Variants in ALK observed in about 807,000 individuals in gnomAD.
ALK encodes ALK tyrosine kinase receptor.
ALK carries 74 observed loss-of-function variants against 163.1 expected under a neutral mutation model. That is an observed-to-expected ratio of 0.45 (90% CI 0.38 to 0.55). The LOEUF (loss-of-function observed/expected upper bound fraction) is 0.55, where lower values mean the gene tolerates loss of function less well. Among genes scored for constraint, ALK ranks in the 20% least tolerant of loss-of-function variants. ALK has a pLI of 0.00. For synonymous variants in ALK, 960 were observed against 843.2 expected (o/e 1.14, Z -2.40); for missense variants, 2,063 against 2,105.3 (o/e 0.98, Z 0.39).
In ALK at chr2:29,921,394, G is replaced by A. The variant is rs1456295647; in HGVS notation, c.-735C>T. 1.3e-5 allele frequency: 3 copies of A among 232,774 alleles called. No individual in the cohort carries two copies. Among genetic ancestry groups the A allele is most frequent in the Non-Finnish European group, 2.5e-5 (3 of 117,768 alleles). 14.4% of individuals were successfully genotyped at this position (232,774 alleles called of 1,614,324 possible). A position where few individuals can be genotyped will look rare whatever the true frequency, so the allele number is the denominator to read the frequency against. ...TGGAGCGGCCCCGGCGGCAGCAGCT[G>A]AGGGCGTTCAGGGCAGGGGCGCCCG... On this transcript the variant is annotated 5_prime_UTR_variant, in exon 1 of 29. Transcript: ENST00000389048.
intron 4 of ALK, among the ~76,000 whole-genome samples, chr2:29,449,228 T>C (rs1324091040): frequency 6.6e-6 from 1 of 152,200 alleles, no homozygotes; most frequent in East Asian, 1.9e-4. Flanking sequence ...TGGAATGTGC[T>C]CTCACAATAT....
At chr2:29,791,439 T>A (rs889218853) in intron 1 of ALK, among the ~76,000 whole-genome samples, 1 of 151,992 alleles carries the variant, frequency 6.6e-6, no homozygotes, top group Non-Finnish European at 1.5e-5. Flanking sequence ...TGAGAACACA[T>A]GGACACAGGG....
At chr2:29,639,816 G>A (rs1180915850) in intron 3 of ALK, among the ~76,000 whole-genome samples, 1 of 152,094 alleles carries the variant, frequency 6.6e-6, no homozygotes, top group African/African-American at 2.4e-5. Context: ...TCTTTACATA[G>A]GGAACAGGGA....
intron 3 of ALK, among the ~76,000 whole-genome samples, chr2:29,629,616 G>C (rs1022776283): frequency 1.3e-5 from 2 of 152,074 alleles, no homozygotes; most frequent in Admixed American, 1.3e-4. Context: ...GGCATTTTCT[G>C]TCCACTTATT....
chr2:29,259,197 A>G (rs1204143174), intron 11 of ALK, among the ~76,000 whole-genome samples: 10 of 152,134 alleles, frequency 6.6e-5, no homozygotes, highest in Admixed American at 5.9e-4. Context: ...CTCTCCTTAC[A>G]CACAGTATTA....
At position 29,239,927 on chromosome 2, in the gene ALK, A is replaced by G. The variant is rs1317704340; in HGVS notation, c.2205-97T>C. The G allele has an allele frequency of 2.8e-6, 4 of 1,430,130 alleles. No individual in the cohort carries two copies. The African/African-American group carries it at 4.2e-5, about 15-fold the overall frequency. 88.6% of individuals were successfully genotyped at this position (1,430,130 alleles called of 1,614,324 possible). On this transcript the variant is annotated intron_variant, in intron 12 of 28. Coordinates refer to ENST00000389048, the MANE Select transcript of ALK (RefSeq NM_004304.5). The stretch of plus-strand genomic sequence containing the variant: ...CTTCCAGTGGGCTAAGCACATCGCC[A>G]TCGTGGTCTGAGGGTTCTCCCCCAT...
At chr2:29,208,958 G>A (rs111661973) in intron 25 of ALK, among the ~76,000 whole-genome samples, 3 of 152,000 alleles carry the variant, frequency 2.0e-5, no homozygotes, top group African/African-American at 7.2e-5. Context: ...AATGTGACAG[G>A]GAAAAAAAAA....
intron 11 of ALK, among the ~76,000 whole-genome samples, chr2:29,257,665 A>G (rs1474807483): frequency 6.6e-6 from 1 of 152,064 alleles, no homozygotes. Context: ...AGAGCGCTCA[A>G]TGCTTCATGT....
intron 3 of ALK, among the ~76,000 whole-genome samples, chr2:29,585,894 T>TA (rs1674873254): frequency 6.6e-6 from 1 of 152,130 alleles, no homozygotes; most frequent in African/African-American, 2.4e-5. Flanking sequence ...TCTTAATACG[T>TA]ATCCTAAGAT....
intron 1 of ALK, among the ~76,000 whole-genome samples, chr2:29,895,956 T>A (rs982904328): frequency 6.6e-6 from 1 of 152,194 alleles, no homozygotes; most frequent in Non-Finnish European, 1.5e-5. Flanking sequence ...CTGTGTTTGA[T>A]GCCAGAACAT....
chr2:29,373,284 A>C (rs998648578), intron 5 of ALK, among the ~76,000 whole-genome samples: 1 of 152,244 alleles, frequency 6.6e-6, no homozygotes, highest in African/African-American at 2.4e-5. Context: ...AGCGGTAACA[A>C]CACCATTTAT....
At chr2:29,864,866 G>A (rs1666387013) in intron 1 of ALK, among the ~76,000 whole-genome samples, 1 of 152,192 alleles carries the variant, frequency 6.6e-6, no homozygotes, top group Non-Finnish European at 1.5e-5. Context: ...GACCAGACAT[G>A]TATAGAACTA....
intron 3 of ALK, among the ~76,000 whole-genome samples, chr2:29,678,844 G>A (rs1677973744): frequency 6.6e-6 from 1 of 151,692 alleles, no homozygotes; most frequent in South Asian, 2.1e-4. Flanking sequence ...TTACTTGAAA[G>A]GTTTGTATTA....
Position 29,644,399 on chromosome 2 carries a change from T to TAA in ALK, c.952+50449_952+50450dup, listed in dbSNP as rs112270659. 4.2e-3 allele frequency among the ~76,000 whole-genome samples: 622 copies of TAA among 146,916 alleles called. 4 individuals carry two copies. Among genetic ancestry groups the TAA allele is most frequent in the African/African-American group, 0.015 (589 of 40,402 alleles). On this transcript the variant is annotated intron_variant, in intron 3 of 28. Coordinates refer to ENST00000389048, the MANE Select transcript of ALK (RefSeq NM_004304.5). ...TGTACCCTAAAACTTAAAGTATATT[T>TAA]AAAAAAAAAAAGGAAAGAAATCTAG...
intron 5 of ALK, among the ~76,000 whole-genome samples, chr2:29,366,430 G>A (rs560091209): frequency 6.6e-6 from 1 of 152,304 alleles, no homozygotes; most frequent in South Asian, 2.1e-4. Flanking sequence ...GCCCTTGGCA[G>A]ATAGGGCCTG....
intron 3 of ALK, among the ~76,000 whole-genome samples, chr2:29,685,153 G>A (rs963360965): frequency 3.3e-5 from 5 of 152,126 alleles, no homozygotes; most frequent in African/African-American, 1.2e-4. Flanking sequence ...ACAGGAAACG[G>A]GGCTCATTTA....
intron 1 of ALK, among the ~76,000 whole-genome samples, chr2:29,915,364 C>T (rs529956424): frequency 2.0e-5 from 3 of 152,286 alleles, no homozygotes; most frequent in Non-Finnish European, 2.9e-5. Context: ...GGAACTAAGG[C>T]GCATGCCACA....
At chr2:29,653,742 T>C (rs1440619542) in intron 3 of ALK, among the ~76,000 whole-genome samples, 2 of 151,838 alleles carry the variant, frequency 1.3e-5, no homozygotes, top group Admixed American at 6.6e-5. Flanking sequence ...AATAGGGAGA[T>C]AGAGAAGATG....
At chr2:29,898,876 A>C (rs1235290396) in intron 1 of ALK, among the ~76,000 whole-genome samples, 1 of 152,182 alleles carries the variant, frequency 6.6e-6, no homozygotes, top group Non-Finnish European at 1.5e-5. Flanking sequence ...GTGGTCTACT[A>C]ATCTCAGTGT....
Sources: gnomAD v4.1 joint callset for allele counts (sites outside exome capture counted in the v4.1 genomes callset) on GRCh38, gnomAD v4.1.1 for gene constraint, MANE v1.5 for transcripts, NCBI Gene and HGNC (gene_info 2026-07-23, HGNC 2026-07-21) for gene names.